The following REV3L variants were observed in gnomAD, a reference collection of about 807,000 sequenced individuals.
The protein encoded by REV3L is DNA polymerase zeta catalytic subunit.
REV3L carries 69 observed loss-of-function variants against 299.4 expected under a neutral mutation model. That is an observed-to-expected ratio of 0.23 (90% CI 0.19 to 0.28). The LOEUF is 0.28. REV3L is among the 10% of genes least tolerant of loss of function. The pLI is 1.00. For missense variants in REV3L, 3,128 were observed against 3,693.8 expected, an observed-to-expected ratio of 0.85 and a Z score of 3.97; for synonymous variants, 1,238 against 1,271.4, an observed-to-expected ratio of 0.97 and a Z score of 0.56.
At chr6:111,431,213 T>G in intron 1 of REV3L, 1 of 1,565,156 alleles carries the variant, frequency 6.4e-7, no homozygotes, top group Non-Finnish European at 8.8e-7. Context: ...GATAGTTTAC[T>G]GGATGTTTTA....
intron 29 of REV3L, 160 bp downstream of exon 29, chr6:111,310,909 G>A (rs541047526): frequency 1.7e-5 from 8 of 473,284 alleles, no homozygotes; most frequent in African/African-American, 1.2e-4. Flanking sequence ...CACATCTTAC[G>A]AAGTATGAGG....
At chr6:111,301,440 C>G (rs1055354220) in intron 31 of REV3L, among the ~76,000 whole-genome samples, 13 of 151,924 alleles carry the variant, frequency 8.6e-5, no homozygotes, top group African/African-American at 2.9e-4. Flanking sequence ...GGTTTTGTGG[C>G]TCAAGGGGCA....
chr6:111,319,625 T>C (rs918571107), intron 26 of REV3L, among the ~76,000 whole-genome samples: 57 of 152,168 alleles, frequency 3.7e-4, no homozygotes, highest in African/African-American at 1.3e-3. Flanking sequence ...GATAACTTAT[T>C]GTACATTTAA....
chr6:111,437,588 A>C (rs1273388245), intron 1 of REV3L, among the ~76,000 whole-genome samples: 1 of 151,950 alleles, frequency 6.6e-6, no homozygotes, highest in Non-Finnish European at 1.5e-5. Flanking sequence ...GGAGCCAGAC[A>C]CAAAAAATCA....
chr6:111,316,678 GAA>G (rs1281100056), intron 26 of REV3L, among the ~76,000 whole-genome samples: 1 of 137,794 alleles, frequency 7.3e-6, no homozygotes, highest in African/African-American at 2.7e-5. Flanking sequence ...AAAAAAAAAA[GAA>G]AAAAAAAAGA....
intron 1 of REV3L, among the ~76,000 whole-genome samples, chr6:111,435,748 G>A (rs182296130): frequency 1.3e-5 from 2 of 152,292 alleles, no homozygotes; most frequent in East Asian, 3.9e-4. Flanking sequence ...CAGGACATTG[G>A]TCTGTGCAAA....
chr6:111,382,307 G>A (rs895498326), intron 9 of REV3L, among the ~76,000 whole-genome samples: 1 of 152,150 alleles, frequency 6.6e-6, no homozygotes, highest in African/African-American at 2.4e-5. Flanking sequence ...AAGAGGCAGC[G>A]AAGAGGGTAG....
rs569121816 is a variant in REV3L at position 111,383,366 on chromosome 6, A to G, written c.1097-1922T>C. 5.3e-5 allele frequency among the ~76,000 whole-genome samples: 8 copies of G among 152,368 alleles called. No individual in the cohort carries two copies. The East Asian group carries it at 5.8e-4, about 11-fold the overall frequency. ...CCTTATCTGCCGATGGTATGATCTTATATTAGGAAAAACCTATAGACTCCA... is the reference window on the plus strand; with the variant it reads ...CCTTATCTGCCGATGGTATGATCTTGTATTAGGAAAAACCTATAGACTCCA... On this transcript the variant is annotated intron_variant, in intron 9 of 31. Transcript: ENST00000368802.
intron 20 of REV3L, among the ~76,000 whole-genome samples, chr6:111,346,316 T>C (rs1343934965): frequency 6.6e-6 from 1 of 152,218 alleles, no homozygotes; most frequent in East Asian, 1.9e-4. Flanking sequence ...GAGCTATTTA[T>C]TGTCATTTAA....
chr6:111,401,844 C>T (rs1783112824), intron 4 of REV3L, among the ~76,000 whole-genome samples: 1 of 152,136 alleles, frequency 6.6e-6, no homozygotes, highest in African/African-American at 2.4e-5. Context: ...GGCATGGTGG[C>T]TCATGCCTGT....
intron 26 of REV3L, among the ~76,000 whole-genome samples, chr6:111,321,416 T>C (rs1009547843): frequency 2.0e-5 from 3 of 152,236 alleles, no homozygotes; most frequent in Non-Finnish European, 4.4e-5. Flanking sequence ...TTTCCCTAAA[T>C]ATTTTTTAAG....
In REV3L at chr6:111,303,165, CTT is replaced by C. The variant is rs1189398273; in HGVS notation, c.9253-3011_9253-3010del. On this transcript the variant is annotated intron_variant, in intron 31 of 31. Coordinates refer to ENST00000368802, the MANE Select transcript of REV3L (RefSeq NM_001372078.1). ...AATGTACTGAGGCTTTCTTTTCTTT[CTT>C]TTTTTTTTTTTTTTTGAGATGAGAG... Among the ~76,000 whole-genome samples the C allele has an allele frequency of 3.7e-4, 34 of 92,336 alleles. 1 individual carries two copies. Among genetic ancestry groups the C allele is most frequent in the Non-Finnish European group, 5.4e-4 (26 of 47,754 alleles). 60.6% of individuals were successfully genotyped at this position (92,336 alleles called of 152,430 possible). A position where few individuals can be genotyped will look rare whatever the true frequency, so the allele number is the denominator to read the frequency against.
In REV3L at chr6:111,482,864, C is replaced by T. The variant is rs771318938; in HGVS notation, c.25G>A (p.Ala9Thr). 4 of 1,520,974 alleles carry T rather than the reference C, an allele frequency of 2.6e-6. No homozygotes were observed. 94.2% of individuals were successfully genotyped at this position (1,520,974 alleles called of 1,614,324 possible). A position where few individuals can be genotyped will look rare whatever the true frequency, so the allele number is the denominator to read the frequency against. MFSVRIVTADYYMASPLQG... is the reference protein window; with the variant it reads MFSVRIVTTDYYMASPLQG... ...AGCGGGCTGGCCATGTAGTAGTCTG[C>T]AGTCACTATCCTTACTGAAAACATG... is the stretch of plus-strand genomic sequence containing the variant. The change falls in exon 1 of 32, where the codon GCA becomes ACA. Residue 9 changes from alanine (A) to threonine (T), a missense_variant. Physicochemically the swap from Ala to Thr is moderately conservative, Grantham distance 58. Coordinates refer to ENST00000368802, the MANE Select transcript of REV3L (RefSeq NM_001372078.1).
intron 1 of REV3L, among the ~76,000 whole-genome samples, chr6:111,472,348 G>A (rs1792332556): frequency 6.6e-6 from 1 of 151,682 alleles, no homozygotes; most frequent in Admixed American, 6.6e-5. Context: ...TTTAATTCTT[G>A]TTATACTTCT....
In REV3L at chr6:111,430,432, T is replaced by C. The variant is rs577854505; in HGVS notation, c.140-13960A>G. On this transcript the variant is annotated intron_variant, in intron 1 of 31. Transcript: ENST00000368802. ...AAACTAAAGGATATTTTCAAACTAA[T>C]GTGTACTAATGCCATGATTTACAAT... is the stretch of plus-strand genomic sequence containing the variant. 91 of 1,508,946 alleles carry C rather than the reference T, an allele frequency of 6.0e-5. 1 individual carries two copies. The African/African-American group carries it at 1.1e-3, about 18-fold the overall frequency. The allele number at this position is 1,508,946 out of a possible 1,614,324, so 93.5% of individuals were successfully genotyped here.
At chr6:111,305,931 A>T (rs1772237275) in intron 31 of REV3L, among the ~76,000 whole-genome samples, 1 of 152,130 alleles carries the variant, frequency 6.6e-6, no homozygotes, top group African/African-American at 2.4e-5. Context: ...CAAAACTGGT[A>T]AAAAATGGCT....
At chr6:111,324,138 T>G (rs988724625) in intron 25 of REV3L, among the ~76,000 whole-genome samples, 2 of 152,176 alleles carry the variant, frequency 1.3e-5, no homozygotes, top group African/African-American at 4.8e-5. Context: ...TAGCTGGGAT[T>G]ACAGGAGTGT....
At chr6:111,313,249 T>C (rs1773168553) in intron 28 of REV3L, 103 bp downstream of exon 28, 1 of 993,268 alleles carries the variant, frequency 1.0e-6, no homozygotes, top group Non-Finnish European at 1.5e-6. Flanking sequence ...TTATATAGGC[T>C]ATAGTTCCTT....
At chr6:111,423,245 G>A (rs1333299537) in intron 1 of REV3L, among the ~76,000 whole-genome samples, 2 of 121,756 alleles carry the variant, frequency 1.6e-5, no homozygotes, top group African/African-American at 2.5e-5. Context: ...CAGGTGCTCA[G>A]AAGCACAAAA....
Sources: gnomAD v4.1 joint callset for allele counts (sites outside exome capture counted in the v4.1 genomes callset) on GRCh38, gnomAD v4.1.1 for gene constraint, MANE v1.5 for transcripts, NCBI Gene and HGNC (gene_info 2026-07-23, HGNC 2026-07-21) for gene names.